Variants in FILIP1 observed in about 807,000 individuals in gnomAD.
The protein encoded by FILIP1 is filamin A interacting protein 1.
A neutral mutation model predicts 102.1 loss-of-function variants in FILIP1; 61 were observed. The ratio of observed to expected loss-of-function variants is 0.60; its 90% CI spans 0.49 to 0.74. FILIP1 has a LOEUF of 0.74. FILIP1 is among the 30% of genes least tolerant of loss of function. The pLI is 0.00. For missense variants in FILIP1, 1,314 were observed against 1,441.2 expected, an observed-to-expected ratio of 0.91 and a Z score of 1.43; for synonymous variants, 491 against 526.9, an observed-to-expected ratio of 0.93 and a Z score of 0.93.
intron 1 of FILIP1, among the ~76,000 whole-genome samples, chr6:75,444,259 C>A (rs1013023931): frequency 8.5e-5 from 13 of 152,186 alleles, no homozygotes; most frequent in African/African-American, 2.4e-4. Context: ...AAGAAGTATT[C>A]TTTGAGTGTC....
chr6:75,306,054 C>T (rs1427515725), downstream of FILIP1, among the ~76,000 whole-genome samples: 1 of 152,146 alleles, frequency 6.6e-6, no homozygotes, highest in Admixed American at 6.5e-5. Context: ...TTTAGTTCAC[C>T]ACCTCCTATC....
chr6:75,447,504 T>C (rs1778477484), intron 1 of FILIP1, among the ~76,000 whole-genome samples: 1 of 152,154 alleles, frequency 6.6e-6, no homozygotes, highest in African/African-American at 2.4e-5. Flanking sequence ...ACAATGCTCT[T>C]CATCCATGGA....
At chr6:75,462,566 A>G (rs759450030) in intron 1 of FILIP1, among the ~76,000 whole-genome samples, 7 of 152,174 alleles carry the variant, frequency 4.6e-5, no homozygotes, top group Non-Finnish European at 8.8e-5. Flanking sequence ...TTACAAATTA[A>G]ATCTCATATA....
intron 2 of FILIP1, among the ~76,000 whole-genome samples, chr6:75,392,216 T>C (rs1442518161): frequency 6.6e-6 from 1 of 152,124 alleles, no homozygotes; most frequent in Non-Finnish European, 1.5e-5. Flanking sequence ...TCTTATCTTT[T>C]CTATCTAAAT....
At chr6:75,475,602 T>C (rs1779452491) in intron 1 of FILIP1, among the ~76,000 whole-genome samples, 1 of 152,214 alleles carries the variant, frequency 6.6e-6, no homozygotes, top group African/African-American at 2.4e-5. Flanking sequence ...TGGGTAGATT[T>C]TTTAATTTCA....
intron 4 of FILIP1, 27 bp downstream of exon 4, chr6:75,353,512 G>A: frequency 1.2e-6 from 2 of 1,612,808 alleles, no homozygotes. Flanking sequence ...GCATCCAGAT[G>A]TGACTGGTGG....
At chr6:75,322,043 T>C (rs955543092) in intron 4 of FILIP1, among the ~76,000 whole-genome samples, 2 of 152,156 alleles carry the variant, frequency 1.3e-5, no homozygotes, top group African/African-American at 4.8e-5. Flanking sequence ...GGAACAGGCT[T>C]GTGTCTCACT....
chr6:75,311,432 T>A (rs1773179742), intron 5 of FILIP1, among the ~76,000 whole-genome samples: 1 of 152,004 alleles, frequency 6.6e-6, no homozygotes, highest in African/African-American at 2.4e-5. Flanking sequence ...CCGGCTTTTG[T>A]GCTTTGCACA....
chr6:75,350,416 T>C (rs1774756071), intron 4 of FILIP1, among the ~76,000 whole-genome samples: 1 of 151,594 alleles, frequency 6.6e-6, no homozygotes, highest in African/African-American at 2.4e-5. Flanking sequence ...TTTTTTTTTT[T>C]TTTTACTTTT....
At chr6:75,393,801 T>C (rs2149660884) in intron 2 of FILIP1, among the ~76,000 whole-genome samples, 1 of 152,268 alleles carries the variant, frequency 6.6e-6, no homozygotes, top group East Asian at 1.9e-4. Flanking sequence ...ACTAGCTGCT[T>C]TCTGTTGGGT....
At chr6:75,414,274 C>T (rs1050377130) in intron 2 of FILIP1, among the ~76,000 whole-genome samples, 30 of 151,780 alleles carry the variant, frequency 2.0e-4, no homozygotes, top group Non-Finnish European at 4.3e-4. Context: ...TCTATCTCTC[C>T]TTCTCTCTTT....
At chr6:75,340,863 T>C (rs1415290460) in intron 4 of FILIP1, among the ~76,000 whole-genome samples, 1 of 11,448 alleles carries the variant, frequency 8.7e-5, no homozygotes, top group East Asian at 1.1e-3. Context: ...GCTCAGGAAT[T>C]TTTTTTTTTT....
At chr6:75,476,498 T>C (rs937602570) in intron 1 of FILIP1, among the ~76,000 whole-genome samples, 1 of 152,112 alleles carries the variant, frequency 6.6e-6, no homozygotes, top group Admixed American at 6.6e-5. Context: ...ATAAAGAAAT[T>C]AAGTTGAGTT....
In FILIP1 at chr6:75,353,596, G is replaced by A. The variant is rs1248391094; in HGVS notation, c.572C>T (p.Thr191Ile). ...GTCGTCGCTCTTGTTCATGTAGTCA[G>A]TGTGTTTATGCTTCTCGTTCTCTAA... ...YELENEKHKH[T>I]DYMNKSDDFT... Residue 191 changes from threonine (T) to isoleucine (I), a missense_variant, in exon 4 of 6, where the codon ACT becomes ATT. Thr to Ile is a moderately conservative substitution (Grantham distance 89). Transcript: ENST00000237172. 1 of 1,614,184 alleles carries A rather than the reference G, an allele frequency of 6.2e-7. No homozygotes were observed. Among genetic ancestry groups the A allele is most frequent in the Admixed American group, 1.7e-5 (1 of 60,020 alleles).
At chr6:75,377,988 A>G (rs1483408058) in intron 2 of FILIP1, among the ~76,000 whole-genome samples, 2 of 152,250 alleles carry the variant, frequency 1.3e-5, no homozygotes, top group African/African-American at 4.8e-5. Context: ...TGCCACAAAC[A>G]TGAAATTAGT....
At position 75,318,216 on chromosome 6, in the gene FILIP1, T is replaced by C. The variant is rs1773508882; in HGVS notation, c.630-3014A>G. Among the ~76,000 whole-genome samples, 4 of 150,720 alleles carry C rather than the reference T, an allele frequency of 2.7e-5. No individual in the cohort carries two copies. The South Asian group carries it at 8.4e-4, about 32-fold the overall frequency. ...TTCTTATAGACTCCTATAATATCAA[T>C]TATTATACAGTCTTTTTTTTTTTTT... On this transcript the variant is annotated intron_variant, in intron 4 of 5. Coordinates refer to ENST00000237172, the MANE Select transcript of FILIP1 (RefSeq NM_015687.5).
At chr6:75,413,960 G>A (rs901951775) in intron 2 of FILIP1, among the ~76,000 whole-genome samples, 2 of 150,940 alleles carry the variant, frequency 1.3e-5, no homozygotes, top group East Asian at 1.9e-4. Flanking sequence ...GGTGGGCAGA[G>A]GAAAGAGCAT....
At chr6:75,393,950 A>T (rs1776368636) in intron 2 of FILIP1, among the ~76,000 whole-genome samples, 2 of 152,202 alleles carry the variant, frequency 1.3e-5, no homozygotes. Context: ...GGCCTCCCAC[A>T]ACTAGCCTCA....
chr6:75,319,848 G>T, intron 4 of FILIP1: 2 of 411,564 alleles, frequency 4.9e-6, no homozygotes, highest in Non-Finnish European at 8.7e-6. Context: ...AAAAAGAAAA[G>T]AAAAGAAAAC....
Sources: allele counts gnomAD v4.1 joint callset (sites outside exome capture counted in the v4.1 genomes callset), GRCh38; gene constraint gnomAD v4.1.1; transcripts MANE v1.5; gene names NCBI Gene and HGNC (gene_info 2026-07-23, HGNC 2026-07-21).